The following GOLIM4 variants were observed in gnomAD, a reference collection of about 807,000 sequenced individuals.
GOLIM4 encodes golgi integral membrane protein 4, also known as 130 kDa golgi-localized phosphoprotein.
Under a neutral mutation model 107.4 loss-of-function variants are expected in GOLIM4, and 71 were observed. The observed-to-expected ratio is 0.66, with a 90% CI of 0.55 to 0.81. The LOEUF is 0.81. Among genes scored for constraint, GOLIM4 ranks in the 30% least tolerant of loss-of-function variants. The pLI, the probability that GOLIM4 is intolerant of heterozygous loss-of-function variation, is 0.00. For missense variants in GOLIM4, 830 were observed against 826.1 expected, an observed-to-expected ratio of 1.00 and a Z score of -0.06; for synonymous variants, 327 against 294.8, an observed-to-expected ratio of 1.11 and a Z score of -1.12.
chr3:168,033,238 T>C (rs576872877), intron 8 of GOLIM4, among the ~76,000 whole-genome samples: 1 of 152,206 alleles, frequency 6.6e-6, no homozygotes, highest in South Asian at 2.1e-4. Flanking sequence ...TCAGTAATTA[T>C]TTGAAAAGAG....
chr3:168,079,669 A>C (rs774589241), intron 1 of GOLIM4, among the ~76,000 whole-genome samples: 5 of 152,160 alleles, frequency 3.3e-5, no homozygotes, highest in Non-Finnish European at 5.9e-5. Flanking sequence ...TAATCTTTTT[A>C]TCTTATCATT....
intron 1 of GOLIM4, among the ~76,000 whole-genome samples, chr3:168,092,172 A>G (rs1159939690): frequency 6.6e-6 from 1 of 152,228 alleles, no homozygotes; most frequent in East Asian, 1.9e-4. Context: ...TAAAAACTTT[A>G]AAGGTTATAT....
At chr3:168,043,154 T>C (rs1439082590) in intron 5 of GOLIM4, among the ~76,000 whole-genome samples, 2 of 152,130 alleles carry the variant, frequency 1.3e-5, no homozygotes, top group African/African-American at 2.4e-5. Context: ...TACAAGAGAA[T>C]ACACTACGAT....
chr3:168,044,052 A>G (rs1719167312), intron 4 of GOLIM4, among the ~76,000 whole-genome samples: 1 of 152,206 alleles, frequency 6.6e-6, no homozygotes, highest in Admixed American at 6.5e-5. Context: ...TTCCGATTAT[A>G]ATCCTACAAT....
intron 8 of GOLIM4, 52 bp from the exon 9 acceptor site, chr3:168,032,904 G>T: frequency 1.5e-6 from 2 of 1,371,570 alleles, no homozygotes; most frequent in Non-Finnish European, 1.0e-6. Flanking sequence ...CAAAAGTAAT[G>T]ATGTAATTTC....
At chr3:168,070,253 C>T (rs12494656) in intron 1 of GOLIM4, among the ~76,000 whole-genome samples, 26,708 of 152,136 alleles carry the variant, frequency 0.18, 2,544 homozygotes, top group Middle Eastern at 0.23. Flanking sequence ...ATTAGACTGG[C>T]GTGGTGGCAC....
intron 7 of GOLIM4, among the ~76,000 whole-genome samples, chr3:168,040,026 AGATCGTT>A (rs1718894097): frequency 6.6e-6 from 1 of 152,202 alleles, no homozygotes; most frequent in Non-Finnish European, 1.5e-5. Context: ...TGATGAGCAT[AGATCGTT>A]TACCTTTGTT....
At chr3:168,018,049 T>A (rs905196355) in intron 14 of GOLIM4, among the ~76,000 whole-genome samples, 2 of 152,212 alleles carry the variant, frequency 1.3e-5, no homozygotes, top group Non-Finnish European at 2.9e-5. Flanking sequence ...ACCATACATA[T>A]GCCAAAATGT....
chr3:168,013,071 T>C (rs1473580701), intron 14 of GOLIM4, among the ~76,000 whole-genome samples: 3 of 150,374 alleles, frequency 2.0e-5, no homozygotes, highest in South Asian at 2.1e-4. Context: ...GACTAAATGC[T>C]CCAATTAAAA....
At chr3:168,025,477 ACT>A (rs1717944874) in intron 12 of GOLIM4, among the ~76,000 whole-genome samples, 1 of 152,152 alleles carries the variant, frequency 6.6e-6, no homozygotes, top group African/African-American at 2.4e-5. Flanking sequence ...TGGGCAATTA[ACT>A]CTTTTTGCTA....
At position 168,040,848 on chromosome 3, in the gene GOLIM4, A is replaced by T. The variant is rs1197543191; in HGVS notation, c.622T>A (p.Ser208Thr). 1 of 1,612,042 alleles carries T rather than the reference A, an allele frequency of 6.2e-7. No individual in the cohort carries two copies. The highest frequency in any genetic ancestry group is 2.2e-5 in the East Asian group (1 of 44,868). ...DVKQQHKNLL[S>T]EHEQLVVTLE... ...GTCACTACAAGTTGTTCATGCTCGG[A>T]GAGTAAATTCTTATGCTGTTGCTAC... is the stretch of plus-strand genomic sequence containing the variant. Residue 208 changes from serine to threonine, a missense_variant, in exon 7 of 16, where the codon TCC (serine) becomes ACC (threonine). By Grantham distance (58) the Ser-to-Thr change is moderately conservative. Transcript: ENST00000470487.
intron 1 of GOLIM4, among the ~76,000 whole-genome samples, chr3:168,051,301 C>T (rs1719632095): frequency 6.6e-6 from 1 of 152,066 alleles, no homozygotes; most frequent in African/African-American, 2.4e-5. Context: ...ACCCTGACAG[C>T]TGGCCCAAAG....
At position 168,095,345 on chromosome 3, in the gene GOLIM4, G is replaced by A; in HGVS notation, c.-60C>T. ...GCCGTCTCCTCCCCTTGGTCCGAGC[G>A]AGCGTCTCAGCAGCGGCCGCCGCAG... is the stretch of plus-strand genomic sequence containing the variant. On this transcript the variant is annotated 5_prime_UTR_variant, in exon 1 of 16. Transcript: ENST00000470487. 3.3e-6 allele frequency: 5 copies of A among 1,494,770 alleles called. No individual in the cohort carries two copies. The highest frequency in any genetic ancestry group is 2.3e-4 in the Middle Eastern group (1 of 4,434). The allele number at this position is 1,494,770 out of a possible 1,614,324, so 92.6% of individuals were successfully genotyped here.
At chr3:168,088,458 A>G (rs1276322437) in intron 1 of GOLIM4, among the ~76,000 whole-genome samples, 1 of 152,196 alleles carries the variant, frequency 6.6e-6, no homozygotes, top group Non-Finnish European at 1.5e-5. Flanking sequence ...TAATCCATAC[A>G]AGTTTGCAAG....
chr3:168,029,707 A>G (rs948959229), intron 10 of GOLIM4, 73 bp downstream of exon 10: 181 of 1,556,254 alleles, frequency 1.2e-4, no homozygotes, highest in South Asian at 1.0e-3. Context: ...ACAAATGCAC[A>G]AAACTGTTTT....
chr3:168,066,315 T>C (rs1720543689), intron 1 of GOLIM4, among the ~76,000 whole-genome samples: 1 of 152,204 alleles, frequency 6.6e-6, no homozygotes, highest in Non-Finnish European at 1.5e-5. Context: ...TAATTCAGTG[T>C]TCATAGTAAT....
chr3:168,081,026 T>G (rs1303951436), intron 1 of GOLIM4, among the ~76,000 whole-genome samples: 1 of 152,070 alleles, frequency 6.6e-6, no homozygotes. Flanking sequence ...CACCCCACTG[T>G]GAAGTCAAGA....
chr3:168,033,708 A>G (rs543553520), intron 8 of GOLIM4, among the ~76,000 whole-genome samples: 1 of 150,942 alleles, frequency 6.6e-6, no homozygotes, highest in Admixed American at 6.6e-5. Flanking sequence ...ATACAATAAA[A>G]TATTTTTAAT....
intron 8 of GOLIM4, among the ~76,000 whole-genome samples, chr3:168,034,270 T>A (rs1433633227): frequency 6.6e-6 from 1 of 152,170 alleles, no homozygotes; most frequent in African/African-American, 2.4e-5. Flanking sequence ...CTTCACAATA[T>A]CCTAGTGAGG....
Sources: allele counts gnomAD v4.1 joint callset (sites outside exome capture counted in the v4.1 genomes callset), GRCh38; gene constraint gnomAD v4.1.1; transcripts MANE v1.5; gene names NCBI Gene and HGNC (gene_info 2026-07-23, HGNC 2026-07-21).